FSTL4: variants seen among roughly 807,000 people sequenced by gnomAD.
FSTL4 encodes the protein follistatin like 4, also known as follistatin-related protein 4.
In FSTL4, 28 loss-of-function variants were observed where a neutral mutation model predicts 78.2. That is an observed-to-expected ratio of 0.36 (90% CI 0.27 to 0.49). The LOEUF is 0.49. Ranked by LOEUF, FSTL4 falls within the 20% of genes least tolerant of loss-of-function variation. The probability of loss-of-function intolerance (pLI) is 0.98; values close to 1 mark genes in which losing one functional copy is unlikely to be tolerated. For synonymous variants in FSTL4, 422 were observed against 440.5 expected (o/e 0.96, Z 0.53); for missense variants, 922 against 1,084.9 (o/e 0.85, Z 2.11).
At chr5:133,715,440 A>G in the FSTL4 span, among the ~76,000 whole-genome samples, 4 of 152,212 alleles carry the variant, frequency 2.6e-5, no homozygotes, top group South Asian at 4.1e-4. Flanking sequence ...TCATTTAGAG[A>G]GAACAATGGC....
At chr5:133,436,696 G>C (rs573019535) in intron 3 of FSTL4, among the ~76,000 whole-genome samples, 1 of 152,032 alleles carries the variant, frequency 6.6e-6, no homozygotes, top group Non-Finnish European at 1.5e-5. Flanking sequence ...TTTACACTAC[G>C]GAAATTGGCA....
chr5:133,743,121 A>G, the FSTL4 span, among the ~76,000 whole-genome samples: 3 of 152,178 alleles, frequency 2.0e-5, no homozygotes, highest in African/African-American at 7.2e-5. Context: ...AAAAAATCTA[A>G]GTACAGCTCA....
chr5:133,219,621 C>A (rs1293523091), intron 12 of FSTL4, among the ~76,000 whole-genome samples: 1 of 152,188 alleles, frequency 6.6e-6, no homozygotes. Context: ...GGTGTTTGAG[C>A]ATTTTCTAGA....
intron 3 of FSTL4, among the ~76,000 whole-genome samples, chr5:133,541,542 G>T (rs1759472829): frequency 6.6e-6 from 1 of 152,184 alleles, no homozygotes; most frequent in African/African-American, 2.4e-5. Context: ...CTCAACAAGA[G>T]GAGGGTCAAA....
chr5:133,608,718 C>G (rs1020329381), intron 1 of FSTL4, among the ~76,000 whole-genome samples: 2 of 152,196 alleles, frequency 1.3e-5, no homozygotes, highest in African/African-American at 4.8e-5. Context: ...TATTATTTAT[C>G]TGTATTTAGA....
Position 133,414,222 on chromosome 5 carries a change from G to A in FSTL4, c.161-13236C>T, listed in dbSNP as rs748419512. Among the ~76,000 whole-genome samples, 3 of 152,168 alleles carry A rather than the reference G, an allele frequency of 2.0e-5. No homozygotes were observed. The East Asian group carries it at 5.8e-4, about 29-fold the overall frequency. ...CATATGAGCTACAATTCCTTCTGGCGATCAGTCTATGGTTATACATTTTCA... is the reference window on the plus strand; with the variant it reads ...CATATGAGCTACAATTCCTTCTGGCAATCAGTCTATGGTTATACATTTTCA... On this transcript the variant is annotated intron_variant, in intron 3 of 15. Coordinates refer to ENST00000265342, the MANE Select transcript of FSTL4 (RefSeq NM_015082.2).
the FSTL4 span, among the ~76,000 whole-genome samples, chr5:133,726,525 C>T: frequency 6.6e-6 from 1 of 152,202 alleles, no homozygotes; most frequent in Non-Finnish European, 1.5e-5. Flanking sequence ...TGAAATTATT[C>T]CAATTTCCTT....
chr5:133,530,975 G>A (rs1164497652), intron 3 of FSTL4, among the ~76,000 whole-genome samples: 1 of 152,226 alleles, frequency 6.6e-6, no homozygotes, highest in Admixed American at 6.5e-5. Context: ...GACCACAGTA[G>A]GCTGTGCCCA....
the FSTL4 span, among the ~76,000 whole-genome samples, chr5:133,836,351 T>G: frequency 6.6e-6 from 1 of 152,200 alleles, no homozygotes; most frequent in Non-Finnish European, 1.5e-5. Flanking sequence ...TACCCTATAT[T>G]GAGTGCATTC....
chr5:133,645,158 G>A, the FSTL4 span, among the ~76,000 whole-genome samples: 27 of 151,896 alleles, frequency 1.8e-4, no homozygotes, highest in East Asian at 3.9e-4. Flanking sequence ...GTGTCCTTTC[G>A]AAATCCCGAT....
intron 2 of FSTL4, among the ~76,000 whole-genome samples, chr5:133,590,258 C>A (rs923516390): frequency 6.6e-6 from 1 of 152,134 alleles, no homozygotes; most frequent in African/African-American, 2.4e-5. Context: ...GACACTGCCC[C>A]CTTTCATCCT....
the FSTL4 span, among the ~76,000 whole-genome samples, chr5:133,789,205 A>G: frequency 5.6e-4 from 85 of 152,266 alleles, no homozygotes; most frequent in African/African-American, 2.0e-3. Context: ...AAGGTTGGCC[A>G]TGTTACCAAT....
chr5:133,393,258 T>G (rs990719496), intron 4 of FSTL4, among the ~76,000 whole-genome samples: 3 of 152,322 alleles, frequency 2.0e-5, no homozygotes, highest in Middle Eastern at 3.4e-3. Flanking sequence ...CGTTTGTCCT[T>G]GAGGTCTTGG....
chr5:133,694,644 G>A, the FSTL4 span, among the ~76,000 whole-genome samples: 9,991 of 152,358 alleles, frequency 0.066, 436 homozygotes, highest in Middle Eastern at 0.14. Flanking sequence ...TCTAGCACCT[G>A]TGACCATTCA....
the FSTL4 span, among the ~76,000 whole-genome samples, chr5:133,800,697 C>A: frequency 1.9e-4 from 21 of 110,204 alleles, 4 homozygotes; most frequent in African/African-American, 5.6e-4. Context: ...AATATAAGCC[C>A]GGAGCTACAA....
intron 4 of FSTL4, among the ~76,000 whole-genome samples, chr5:133,331,254 G>A (rs949312905): frequency 6.6e-6 from 1 of 152,210 alleles, no homozygotes; most frequent in African/African-American, 2.4e-5. Flanking sequence ...GGAGACTGGG[G>A]CAGTAGCAGT....
At chr5:133,319,887 G>A (rs1032303829) in intron 4 of FSTL4, among the ~76,000 whole-genome samples, 7 of 152,156 alleles carry the variant, frequency 4.6e-5, no homozygotes, top group African/African-American at 1.2e-4. Context: ...TCATTTGTCC[G>A]AAATTACTGA....
intron 3 of FSTL4, among the ~76,000 whole-genome samples, chr5:133,555,211 C>CATT (rs1345421341): frequency 1.3e-5 from 2 of 152,198 alleles, no homozygotes; most frequent in African/African-American, 4.8e-5. Context: ...GGTATGGGAT[C>CATT]ATTACATTGA....
At chr5:133,544,724 A>G (rs887081191) in intron 3 of FSTL4, among the ~76,000 whole-genome samples, 6 of 152,220 alleles carry the variant, frequency 3.9e-5, no homozygotes, top group African/African-American at 1.4e-4. Flanking sequence ...TCAGGATAAG[A>G]GCAACTTACA....
Sources: allele counts gnomAD v4.1 joint callset (sites outside exome capture counted in the v4.1 genomes callset), GRCh38; gene constraint gnomAD v4.1.1; transcripts MANE v1.5; gene names NCBI Gene and HGNC (gene_info 2026-07-23, HGNC 2026-07-21).